Variants in MTMR10 observed in about 807,000 individuals in gnomAD.
MTMR10 encodes the protein myotubularin-related protein 10.
A neutral mutation model predicts 88.1 loss-of-function variants in MTMR10; 56 were observed. That is an observed-to-expected ratio of 0.64 (90% confidence interval 0.51 to 0.79). MTMR10 has a LOEUF of 0.79. MTMR10 is among the 30% of genes least tolerant of loss of function. The probability of loss-of-function intolerance (pLI) is 0.00; values close to 1 mark genes in which losing one functional copy is unlikely to be tolerated. For synonymous variants in MTMR10, 380 were observed against 340.9 expected, an observed-to-expected ratio of 1.11 and a Z score of -1.26; for missense variants, 883 against 924.7, an observed-to-expected ratio of 0.95 and a Z score of 0.58.
the MTMR10 span, chr15:30,925,178 C>T: frequency 2.5e-6 from 4 of 1,614,018 alleles, no homozygotes; most frequent in Middle Eastern, 1.6e-4. Flanking sequence ...CAGAACGGGA[C>T]ACCGCCTTTC....
In MTMR10 at chr15:30,953,566, C is replaced by T. The variant is rs1270706385; in HGVS notation, c.1132G>A (p.Val378Ile). 4 of 1,538,792 alleles carry T rather than the reference C, an allele frequency of 2.6e-6. No individual in the cohort carries two copies. The highest frequency in any genetic ancestry group is 3.5e-6 in the Non-Finnish European group (4 of 1,136,380). Residue 378 changes from valine (V) to isoleucine (I), a missense_variant, in exon 11 of 16, where the codon GTA becomes ATA. Around this residue, in one of 3 missense-constraint regions of MTMR10, gnomAD observed 126 missense variants for 178.2 expected, o/e 0.71. Coordinates refer to ENST00000435680, the MANE Select transcript of MTMR10 (RefSeq NM_017762.3). ...SLENTRWLEY[V>I]RAFLKHSAEL... ...AGAAAGTAAAGAAGTACAAACCTTA[C>T]ATATTCTAACCATCGAGTATTTTCC...
At chr15:30,965,475 C>T (rs900367085) in intron 6 of MTMR10, among the ~76,000 whole-genome samples, 2 of 152,186 alleles carry the variant, frequency 1.3e-5, no homozygotes, top group African/African-American at 4.8e-5. Flanking sequence ...CATAATCTGA[C>T]ATCTTATCAA....
At chr15:30,927,130 C>A in the MTMR10 span, 2 of 911,866 alleles carry the variant, frequency 2.2e-6, no homozygotes, top group African/African-American at 3.6e-5. Context: ...GATCTCTTGA[C>A]CCCAGGAGGT....
chr15:30,985,241 C>T (rs575569905), intron 2 of MTMR10, among the ~76,000 whole-genome samples: 7 of 152,358 alleles, frequency 4.6e-5, no homozygotes, highest in African/African-American at 1.7e-4. Context: ...AAGTCCACTA[C>T]CTCCCTAAGA....
chr15:30,922,479 T>A, the MTMR10 span: 1 of 1,022,190 alleles, frequency 9.8e-7, no homozygotes, highest in Non-Finnish European at 1.4e-6. Flanking sequence ...TTAACATTCT[T>A]CTTTTGTCTG....
chr15:30,953,175 G>A (rs549234383), intron 11 of MTMR10, among the ~76,000 whole-genome samples: 6 of 152,336 alleles, frequency 3.9e-5, no homozygotes, highest in African/African-American at 1.4e-4. Context: ...TAGAGATTGA[G>A]AAGAGATTAG....
chr15:30,922,460 TTTCTTTTGTTAACATTC>T, the MTMR10 span: 1 of 1,141,286 alleles, frequency 8.8e-7, no homozygotes, highest in Non-Finnish European at 1.3e-6. Context: ...AGAACATGTA[TTTCTTTTGTTAACATTC>T]TTCTTTTGTC....
chr15:30,929,334 G>A, the MTMR10 span: 1 of 1,611,726 alleles, frequency 6.2e-7, no homozygotes, highest in Non-Finnish European at 8.5e-7. Context: ...CGTGGCATGA[G>A]CAGGAAGGCA....
chr15:30,927,185 G>A, the MTMR10 span: 3 of 963,342 alleles, frequency 3.1e-6, no homozygotes, highest in African/African-American at 1.8e-5. Flanking sequence ...CTCCAGTCTG[G>A]GTGACAGAGT....
Position 30,947,104 on chromosome 15 carries a change from G to A in MTMR10, c.1548+26C>T, listed in dbSNP as rs773903137. The A allele has an allele frequency of 3.0e-5, 46 of 1,553,824 alleles. 1 individual carries two copies. Among genetic ancestry groups the A allele is most frequent in the South Asian group, 2.9e-4 (24 of 82,690 alleles). On this transcript the variant is annotated intron_variant, in intron 14 of 15. Transcript: ENST00000435680. ...ATAAAGTTGTAAAAACAGGGAAAAC[G>A]TAGCCACAGCCACAGGGTTGCTTAC...
chr15:30,941,770 G>A lies in MTMR10; in HGVS notation c.2034C>T (p.Ala678=). The part of the protein sequence containing the change: ...AQISLGGSIT[A]FHKLSLLADE... ...CAGCCAGGAGGGAGAGCTTGTGAAA[G>A]GCTGTGATGGAGCCACCCAGGCTGA... Residue 678 remains alanine (A), a synonymous_variant, in exon 16 of 16, where the codon GCC becomes GCT. Coordinates refer to ENST00000435680, the MANE Select transcript of MTMR10 (RefSeq NM_017762.3). The A allele has an allele frequency of 6.2e-7, 1 of 1,614,016 alleles. No homozygotes were observed. Among genetic ancestry groups the A allele is most frequent in the Non-Finnish European group, 8.5e-7 (1 of 1,179,878 alleles).
chr15:30,945,163 G>C, intron 14 of MTMR10, among the ~76,000 whole-genome samples: 1 of 152,122 alleles, frequency 6.6e-6, no homozygotes, highest in Admixed American at 6.5e-5. Flanking sequence ...TTGGGCTTTT[G>C]CCTGTGTGGA....
chr15:30,966,005 G>T (rs958003450), intron 6 of MTMR10: 1 of 454,654 alleles, frequency 2.2e-6, no homozygotes, highest in Non-Finnish European at 4.4e-6. Flanking sequence ...GAAATTTCAG[G>T]CTCCTTTTGA....
intron 14 of MTMR10, chr15:30,946,650 C>T (rs1040255276): frequency 2.9e-6 from 2 of 685,266 alleles, no homozygotes; most frequent in African/African-American, 3.5e-5. Context: ...CACTTTGGTT[C>T]AGAATGGTTT....
At chr15:30,943,535 G>T in intron 14 of MTMR10, 1 of 985,346 alleles carries the variant, frequency 1.0e-6, no homozygotes, top group Non-Finnish European at 1.2e-6. Context: ...CGTAAGTGGG[G>T]AGCTACACTT....
chr15:30,930,581 T>C, the MTMR10 span: 1 of 1,612,098 alleles, frequency 6.2e-7, no homozygotes, highest in African/African-American at 1.3e-5. Context: ...TGCTCAGTGG[T>C]GTGTGCAGGC....
the MTMR10 span, chr15:30,927,424 T>C: frequency 2.0e-6 from 2 of 985,608 alleles, no homozygotes; most frequent in Non-Finnish European, 2.4e-6. Context: ...TTTGAATCCC[T>C]GAGACGGGCT....
At chr15:30,969,183 T>C (rs781319031) in intron 5 of MTMR10, among the ~76,000 whole-genome samples, 7 of 152,070 alleles carry the variant, frequency 4.6e-5, no homozygotes, top group Non-Finnish European at 1.0e-4. Context: ...AAAAGTCTTC[T>C]ATAGAATAAA....
chr15:30,938,795 TAAA>T (rs561489357), downstream of MTMR10: 1 of 513,894 alleles, frequency 1.9e-6, no homozygotes, highest in African/African-American at 2.1e-5. Flanking sequence ...GAATTGCTGT[TAAA>T]AAAAGTTACT....
Sources: gnomAD v4.1 joint callset for allele counts (sites outside exome capture counted in the v4.1 genomes callset) on GRCh38, gnomAD v4.1.1 for gene constraint, gnomAD v4.1.1 regional missense constraint, MANE v1.5 for transcripts, NCBI Gene and HGNC (gene_info 2026-07-23, HGNC 2026-07-21) for gene names.